PDZRN4: variants seen among roughly 807,000 people sequenced by gnomAD.
PDZRN4 encodes PDZ domain containing ring finger 4.
In PDZRN4, 70 loss-of-function variants were observed where a neutral mutation model predicts 99.0. The ratio of observed to expected loss-of-function variants is 0.71; its 90% CI spans 0.58 to 0.86. The LOEUF is 0.86. Ranked by LOEUF, PDZRN4 falls within the 40% of genes least tolerant of loss-of-function variation. The probability of loss-of-function intolerance (pLI) is 0.00; values close to 1 mark genes in which losing one functional copy is unlikely to be tolerated. For missense variants in PDZRN4, 1,474 were observed against 1,331.2 expected (o/e 1.11, Z -1.67); for synonymous variants, 551 against 501.6 (o/e 1.10, Z -1.32).
chr12:41,343,630 T>C (rs1408104931), intron 3 of PDZRN4, among the ~76,000 whole-genome samples: 1 of 151,778 alleles, frequency 6.6e-6, no homozygotes, highest in Non-Finnish European at 1.5e-5. Flanking sequence ...GGTACAATGT[T>C]GCAATTAGAT....
Position 41,552,646 on chromosome 12 carries a change from GT to G in PDZRN4, c.1204-8del, listed in dbSNP as rs1300320513. The G allele has an allele frequency of 4.4e-6, 7 of 1,604,530 alleles. No homozygotes were observed. Among genetic ancestry groups the G allele is most frequent in the Non-Finnish European group, 5.1e-6 (6 of 1,171,598 alleles). ...GACATAAATGTCATCTGTGTGTGTT[GT>G]TCTTTCAGGAGGTCGAGTTGTGTCG... On this transcript the variant is annotated splice_polypyrimidine_tract_variant and intron_variant, in intron 5 of 9. Transcript: ENST00000402685.
chr12:41,232,687 T>C (rs542752916), intron 3 of PDZRN4, among the ~76,000 whole-genome samples: 19 of 152,188 alleles, frequency 1.2e-4, no homozygotes, highest in Non-Finnish European at 2.4e-4. Context: ...AGATCCCATT[T>C]GTCAATTTTG....
At chr12:41,528,821 C>T (rs1054706141) in intron 5 of PDZRN4, among the ~76,000 whole-genome samples, 11 of 152,132 alleles carry the variant, frequency 7.2e-5, no homozygotes, top group African/African-American at 2.7e-4. Context: ...AGTGTTATAA[C>T]CCTGGTAATG....
At chr12:41,414,155 G>A (rs1423732549) in intron 3 of PDZRN4, among the ~76,000 whole-genome samples, 1 of 152,170 alleles carries the variant, frequency 6.6e-6, no homozygotes, top group Admixed American at 6.5e-5. Flanking sequence ...CTTCTGGCTT[G>A]TAGGGTTTCT....
At chr12:41,419,898 C>T (rs941421256) in intron 3 of PDZRN4, among the ~76,000 whole-genome samples, 2 of 152,142 alleles carry the variant, frequency 1.3e-5, no homozygotes, top group Non-Finnish European at 2.9e-5. Flanking sequence ...AATTGTTTTG[C>T]ATATGCTTGA....
intron 3 of PDZRN4, among the ~76,000 whole-genome samples, chr12:41,273,827 A>G (rs1431170341): frequency 2.6e-5 from 4 of 152,096 alleles, no homozygotes; most frequent in Non-Finnish European, 2.9e-5. Context: ...TATGCTATTT[A>G]TCATTAAATT....
intron 5 of PDZRN4, among the ~76,000 whole-genome samples, chr12:41,537,154 A>T (rs887802161): frequency 1.3e-5 from 2 of 152,182 alleles, no homozygotes; most frequent in Non-Finnish European, 2.9e-5. Flanking sequence ...TCTTCCATTA[A>T]AACACTATAA....
chr12:41,542,564 C>T (rs917883734), intron 5 of PDZRN4, among the ~76,000 whole-genome samples: 10 of 152,306 alleles, frequency 6.6e-5, no homozygotes, highest in African/African-American at 2.4e-4. Flanking sequence ...ACCCCCAACA[C>T]ACACGTTTCC....
At chr12:41,322,648 G>A (rs559769063) in intron 3 of PDZRN4, among the ~76,000 whole-genome samples, 75 of 151,548 alleles carry the variant, frequency 4.9e-4, no homozygotes, top group African/African-American at 8.7e-4. Context: ...CCACCACCAC[G>A]CCCGGCTAAT....
chr12:41,487,389 C>T (rs1267612821), intron 3 of PDZRN4, among the ~76,000 whole-genome samples: 1 of 152,090 alleles, frequency 6.6e-6, no homozygotes, highest in Non-Finnish European at 1.5e-5. Flanking sequence ...TAACATTGCA[C>T]ACTAGAAAGG....
At chr12:41,413,812 A>T (rs558192059) in intron 3 of PDZRN4, among the ~76,000 whole-genome samples, 130 of 152,208 alleles carry the variant, frequency 8.5e-4, no homozygotes, top group African/African-American at 2.5e-3. Context: ...GACCGTTTAC[A>T]TTCAAGGTTA....
chr12:41,298,274 G>T (rs1951508765), intron 3 of PDZRN4, among the ~76,000 whole-genome samples: 1 of 152,094 alleles, frequency 6.6e-6, no homozygotes, highest in Non-Finnish European at 1.5e-5. Flanking sequence ...GTGATAATTT[G>T]TAGTGCTTGA....
intron 3 of PDZRN4, among the ~76,000 whole-genome samples, chr12:41,352,678 A>C (rs1951899208): frequency 6.6e-6 from 1 of 152,096 alleles, no homozygotes; most frequent in Non-Finnish European, 1.5e-5. Flanking sequence ...ATGAATGAGA[A>C]AGTACGTGGA....
chr12:41,417,963 G>A (rs1952457799), intron 3 of PDZRN4, among the ~76,000 whole-genome samples: 1 of 152,092 alleles, frequency 6.6e-6, no homozygotes, highest in African/African-American at 2.4e-5. Flanking sequence ...TTGTCTTATT[G>A]TTTATCCTTG....
At chr12:41,444,077 A>C (rs964504706) in intron 3 of PDZRN4, among the ~76,000 whole-genome samples, 2 of 152,092 alleles carry the variant, frequency 1.3e-5, no homozygotes, top group Non-Finnish European at 2.9e-5. Flanking sequence ...AGAGAGATTT[A>C]AAATCGGAGT....
At chr12:41,472,406 A>G (rs1488644238) in intron 3 of PDZRN4, among the ~76,000 whole-genome samples, 1 of 152,234 alleles carries the variant, frequency 6.6e-6, no homozygotes, top group Non-Finnish European at 1.5e-5. Flanking sequence ...CCTTTTATAG[A>G]TATACATTTT....
chr12:41,441,655 A>G (rs184559667), intron 3 of PDZRN4, among the ~76,000 whole-genome samples: 38 of 152,268 alleles, frequency 2.5e-4, no homozygotes, highest in African/African-American at 9.1e-4. Context: ...TGGATCTCAT[A>G]TAATCTCCCT....
At chr12:41,490,408 G>A (rs1937861845) in intron 3 of PDZRN4, among the ~76,000 whole-genome samples, 1 of 152,096 alleles carries the variant, frequency 6.6e-6, no homozygotes, top group African/African-American at 2.4e-5. Context: ...TTGCAAGCAT[G>A]CTTTCTCAGC....
chr12:41,389,596 C>T (rs1206421433), intron 3 of PDZRN4, among the ~76,000 whole-genome samples: 1 of 152,154 alleles, frequency 6.6e-6, no homozygotes, highest in Admixed American at 6.5e-5. Flanking sequence ...ATCTACTCTG[C>T]AATCTGTCAC....
Sources: gnomAD v4.1 joint callset for allele counts (sites outside exome capture counted in the v4.1 genomes callset) on GRCh38, gnomAD v4.1.1 for gene constraint, MANE v1.5 for transcripts, NCBI Gene and HGNC (gene_info 2026-07-23, HGNC 2026-07-21) for gene names.